SCRIB: variants seen among roughly 807,000 people sequenced by gnomAD.
The protein encoded by SCRIB is protein scribble homolog.
Under a neutral mutation model 170.0 loss-of-function variants are expected in SCRIB, and 72 were observed. The ratio of observed to expected loss-of-function variants is 0.42; its 90% CI spans 0.35 to 0.52. The LOEUF is 0.52. SCRIB is among the 20% of genes least tolerant of loss of function. The pLI is 0.02. For missense variants in SCRIB, 2,475 were observed against 2,338.5 expected, an observed-to-expected ratio of 1.06 and a Z score of -1.20; for synonymous variants, 1,298 against 1,044.3, an observed-to-expected ratio of 1.24 and a Z score of -4.68.
intron 1 of SCRIB, among the ~76,000 whole-genome samples, chr8:143,814,403 TTAC>T (rs1389136465): frequency 6.6e-6 from 1 of 151,128 alleles, no homozygotes; most frequent in Admixed American, 6.6e-5. Flanking sequence ...ACCCTGTGTC[TTAC>T]CTCAGGGCCC....
chr8:143,805,402 G>A lies in SCRIB; in HGVS notation c.2380C>T (p.His794Tyr). The change falls in exon 19 of 37, where the codon CAC becomes TAC. Residue 794 changes from histidine (H) to tyrosine (Y), a missense_variant. His to Tyr is a moderately conservative substitution (Grantham distance 83). Coordinates refer to ENST00000356994, the MANE Select transcript of SCRIB (RefSeq NM_182706.5). ...NGVALQGAEH[H>Y]EAVEALRGAG... is the part of the protein sequence containing the mutation. Reference sequence around the variant, plus strand: ...CCCCGGAGCGCCTCCACGGCCTCGTGGTGCTCGGCGCCCTGCAGAGCCACA... The same window carrying A: ...CCCCGGAGCGCCTCCACGGCCTCGTAGTGCTCGGCGCCCTGCAGAGCCACA... The A allele has an allele frequency of 2.0e-6, 3 of 1,535,100 alleles. No homozygotes were observed. The highest frequency in any genetic ancestry group is 1.2e-5 in the South Asian group (1 of 83,434).
chr8:143,813,292 C>T lies in SCRIB; in HGVS notation c.567+19G>A, dbSNP rs372571277. 1.2e-6 allele frequency: 2 copies of T among 1,613,164 alleles called. No homozygotes were observed. The highest frequency in any genetic ancestry group is 1.3e-5 in the African/African-American group (1 of 74,938). Reference sequence around the variant, plus strand: ...CGTGGCCCGCCCTCCGGTCTCTGCCCTGTCAGGCCTCCACGCACCAGCACT... The same window carrying T: ...CGTGGCCCGCCCTCCGGTCTCTGCCTTGTCAGGCCTCCACGCACCAGCACT... On this transcript the variant is annotated intron_variant, in intron 6 of 36. Transcript: ENST00000356994.
chr8:143,800,113 G>A (rs1554634728), intron 24 of SCRIB, among the ~76,000 whole-genome samples: 1 of 141,894 alleles, frequency 7.0e-6, no homozygotes, highest in Non-Finnish European at 1.5e-5. Context: ...CACGTCCTCT[G>A]AGCTTTCTGT....
At chr8:143,812,614 G>A (rs930555026) in intron 8 of SCRIB, among the ~76,000 whole-genome samples, 2 of 151,940 alleles carry the variant, frequency 1.3e-5, no homozygotes, top group African/African-American at 2.4e-5. Flanking sequence ...AGACTCCACC[G>A]CCCCCTCCAG....
Position 143,807,014 on chromosome 8 carries a change from C to T in SCRIB, c.2179-1G>A. 6.2e-7 allele frequency: 1 copy of T among 1,609,122 alleles called. No individual in the cohort carries two copies. Among genetic ancestry groups the T allele is most frequent in the Non-Finnish European group, 8.5e-7 (1 of 1,177,354 alleles). On this transcript the variant is annotated splice_acceptor_variant, in intron 16 of 36. Transcript: ENST00000356994. LOFTEE classifies it high-confidence loss of function. ...TCTGCCGCAGGATAGTGAGGGTCAG[C>T]TGGAAACAGAACAGACAGGGTGTCT...
Position 143,804,640 on chromosome 8 carries a change from G to T in SCRIB, c.2937C>A (p.Pro979=). 1 of 1,535,502 alleles carries T rather than the reference G, an allele frequency of 6.5e-7. No individual in the cohort carries two copies. Among genetic ancestry groups the T allele is most frequent in the Non-Finnish European group, 8.8e-7 (1 of 1,140,868 alleles). Residue 979 remains proline, a synonymous_variant, in exon 21 of 37, where the codon CCC becomes CCA. Transcript: ENST00000356994. The part of the protein sequence containing the change: ...VATTSITTAT[P]GVPGLPSLAP... ...CCAGGCTCGGCAACCCAGGCACCCC[G>T]GGGGTGGCAGTGGTTATGCTGGTGG...
chr8:143,808,510 G>A, intron 15 of SCRIB, 99 bp downstream of exon 15: 1 of 1,410,780 alleles, frequency 7.1e-7, no homozygotes, highest in East Asian at 2.5e-5. Flanking sequence ...GGTGGCCAGG[G>A]GCCAGTGGGT....
At chr8:143,794,003 C>T in intron 27 of SCRIB, 41 bp from the exon 28 acceptor site, 5 of 1,594,752 alleles carry the variant, frequency 3.1e-6, no homozygotes, top group Middle Eastern at 1.7e-4. Flanking sequence ...ATGGGCAGGG[C>T]TGTGGCCCCC....
At position 143,808,869 on chromosome 8, in the gene SCRIB, G is replaced by A; in HGVS notation, c.1855C>T (p.Leu619=). ...HYKKHFKISK[L]PQPEAVVALL... Reference sequence around the variant, plus strand: ...GCCACAACGGCCTCGGGCTGGGGCAGCTTGGAGATCTTGAAGTGCTTTTTG... The same window carrying A: ...GCCACAACGGCCTCGGGCTGGGGCAACTTGGAGATCTTGAAGTGCTTTTTG... The change falls in exon 15 of 37, where the codon CTG becomes TTG. Residue 619 remains leucine (L), a synonymous_variant. Transcript: ENST00000356994. The A allele has an allele frequency of 6.2e-7, 1 of 1,610,028 alleles. No homozygotes were observed. The highest frequency in any genetic ancestry group is 8.5e-7 in the Non-Finnish European group (1 of 1,179,948).
intron 28 of SCRIB, 55 bp from the exon 29 acceptor site, chr8:143,793,138 G>C (rs1264604140): frequency 3.9e-6 from 4 of 1,019,376 alleles, no homozygotes; most frequent in Non-Finnish European, 4.1e-6. Context: ...GGCTGCAGCT[G>C]TGTGCAACTC....
At chr8:143,815,027 C>T in intron 1 of SCRIB, 187 bp downstream of exon 1, 1 of 641,784 alleles carries the variant, frequency 1.6e-6, no homozygotes, top group Non-Finnish European at 2.5e-6. Flanking sequence ...ACCTGATGAC[C>T]GCTGCCACCT....
At chr8:143,800,201 G>A (rs782079020) in intron 24 of SCRIB, among the ~76,000 whole-genome samples, 7 of 152,132 alleles carry the variant, frequency 4.6e-5, no homozygotes, top group South Asian at 2.1e-4. Flanking sequence ...CCCCAAGCCC[G>A]CTGATGAAAC....
Position 143,797,628 on chromosome 8 carries a change from C to T in SCRIB, c.3604-2098G>A, listed in dbSNP as rs537935344. Among the ~76,000 whole-genome samples, 8 of 152,366 alleles carry T rather than the reference C, an allele frequency of 5.3e-5. No homozygotes were observed. The South Asian group carries it at 8.3e-4, about 16-fold the overall frequency. ...TGAGCCCTGGTGGTAGGCACACAGACACGTGGTAGCTCCATGATAATCCCG... is the reference window on the plus strand; with the variant it reads ...TGAGCCCTGGTGGTAGGCACACAGATACGTGGTAGCTCCATGATAATCCCG... On this transcript the variant is annotated intron_variant, in intron 24 of 36. Coordinates refer to ENST00000356994, the MANE Select transcript of SCRIB (RefSeq NM_182706.5).
intron 18 of SCRIB, 50 bp from the exon 19 acceptor site, chr8:143,805,485 C>G: frequency 7.0e-7 from 1 of 1,428,470 alleles, no homozygotes; most frequent in Non-Finnish European, 9.2e-7. Flanking sequence ...CCGCCACAGA[C>G]AGCCACGTGC....
chr8:143,808,872 T>C lies in SCRIB; in HGVS notation c.1852A>G (p.Lys618Glu), dbSNP rs1478199498. 1.2e-6 allele frequency: 2 copies of C among 1,608,528 alleles called. No individual in the cohort carries two copies. The highest frequency in any genetic ancestry group is 1.7e-5 in the Admixed American group (1 of 59,994). ...PHYKKHFKISKLPQPEAVVAL... is the reference protein window; with the variant it reads ...PHYKKHFKISELPQPEAVVAL... The stretch of plus-strand genomic sequence containing the variant: ...ACAACGGCCTCGGGCTGGGGCAGCT[T>C]GGAGATCTTGAAGTGCTTTTTGTAG... The change falls in exon 15 of 37, where the codon AAG (lysine) becomes GAG (glutamate). Residue 618 changes from lysine (K) to glutamate (E), a missense_variant. By Grantham distance (56) the Lys-to-Glu change is moderately conservative (BLOSUM62 1). This residue lies in a region of SCRIB where 1,966 missense variants were observed against 1,742.9 expected (regional missense o/e 1.13). Coordinates refer to ENST00000356994, the MANE Select transcript of SCRIB (RefSeq NM_182706.5).
In SCRIB at chr8:143,813,819, T is replaced by C. The variant is rs751075643; in HGVS notation, c.355A>G (p.Arg119Gly). Residue 119 changes from arginine to glycine, a missense_variant and splice_region_variant, in exon 3 of 37, where the codon AGG becomes GGG. By Grantham distance (125) the Arg-to-Gly change is moderately radical. Around this residue, in one of 3 missense-constraint regions of SCRIB, gnomAD observed 487 missense variants for 558.1 expected, o/e 0.87. Transcript: ENST00000356994. The part of the protein sequence containing the change: ...IADFSGNPLS[R>G]LPDGFTQLRS... Reference sequence around the variant, plus strand: ...ACCCCACCACAGGCTGCCACCCACCTGGAGAGGGGGTTCCCGCTGAAGTCC... The same window carrying C: ...ACCCCACCACAGGCTGCCACCCACCCGGAGAGGGGGTTCCCGCTGAAGTCC... 4 of 1,608,720 alleles carry C rather than the reference T, an allele frequency of 2.5e-6. No individual in the cohort carries two copies. The highest frequency in any genetic ancestry group is 3.4e-6 in the Non-Finnish European group (4 of 1,176,830).
Position 143,791,832 on chromosome 8 carries a change from C to CA in SCRIB, c.4695+43dup, listed in dbSNP as rs782349412. On this transcript the variant is annotated intron_variant, in intron 34 of 36. Coordinates refer to ENST00000356994, the MANE Select transcript of SCRIB (RefSeq NM_182706.5). The stretch of plus-strand genomic sequence containing the variant: ...GTGGGGGCAGGCCAGACCCCACCCC[C>CA]ATGCCTCGGGGGTGAAGGGAAGGCA... The CA allele has an allele frequency of 2.0e-4, 302 of 1,526,916 alleles. 1 individual carries two copies. The East Asian group carries it at 5.8e-3, about 29-fold the overall frequency. The allele number at this position is 1,526,916 out of a possible 1,614,324, so 94.6% of individuals were successfully genotyped here.
At chr8:143,797,251 T>G (rs1270750342) in intron 24 of SCRIB, among the ~76,000 whole-genome samples, 1 of 152,170 alleles carries the variant, frequency 6.6e-6, no homozygotes, top group Non-Finnish European at 1.5e-5. Flanking sequence ...TCAAAATAAA[T>G]TACGATGGTA....
At position 143,791,744 on chromosome 8, in the gene SCRIB, G is replaced by A. The variant is rs782125930; in HGVS notation, c.4696-4C>T. Reference sequence around the variant, plus strand: ...CAAACTTCTTTCCAGACAAGGGCTTGAAAGGACAGCGTGAGGGGAGAGGCA... The same window carrying A: ...CAAACTTCTTTCCAGACAAGGGCTTAAAAGGACAGCGTGAGGGGAGAGGCA... On this transcript the variant is annotated splice_polypyrimidine_tract_variant and splice_region_variant and intron_variant, in intron 34 of 36. Transcript: ENST00000356994. 6.3e-7 allele frequency: 1 copy of A among 1,592,572 alleles called. No individual in the cohort carries two copies. Among genetic ancestry groups the A allele is most frequent in the South Asian group, 1.1e-5 (1 of 90,632 alleles).
Sources: allele counts gnomAD v4.1 joint callset (sites outside exome capture counted in the v4.1 genomes callset), GRCh38; gene constraint gnomAD v4.1.1; regional missense constraint gnomAD v4.1.1; transcripts MANE v1.5; gene names NCBI Gene and HGNC (gene_info 2026-07-23, HGNC 2026-07-21).